The following TMEM248 variants were observed in gnomAD, a reference collection of about 807,000 sequenced individuals.
The protein encoded by TMEM248 is UPF0458 protein C7orf42.
In TMEM248, 9 loss-of-function variants were observed where a neutral mutation model predicts 30.3. The ratio of observed to expected loss-of-function variants is 0.30; its 90% confidence interval spans 0.18 to 0.52. The LOEUF (loss-of-function observed/expected upper bound fraction) is 0.52, where lower values mean the gene tolerates loss of function less well. Among genes scored for constraint, TMEM248 ranks in the 20% least tolerant of loss-of-function variants. TMEM248 has a pLI of 0.97. For synonymous variants in TMEM248, 184 were observed against 154.4 expected (o/e 1.19, Z -1.42); for missense variants, 338 against 403.3 (o/e 0.84, Z 1.39).
intron 4 of TMEM248, among the ~76,000 whole-genome samples, chr7:66,950,026 G>T (rs972871355): frequency 5.3e-5 from 8 of 152,230 alleles, no homozygotes; most frequent in African/African-American, 1.9e-4. Context: ...TGCAGTGACT[G>T]ATATAGAATT....
chr7:66,926,819 A>G (rs1392659613), intron 1 of TMEM248, among the ~76,000 whole-genome samples: 1 of 152,180 alleles, frequency 6.6e-6, no homozygotes, highest in African/African-American at 2.4e-5. Context: ...TACATTTGAC[A>G]AGAGGTCTGT....
rs113072002 is a variant in TMEM248 at position 66,954,754 on chromosome 7, G to A, written c.925-748G>A. Among the ~76,000 whole-genome samples the A allele has an allele frequency of 6.6e-5, 10 of 152,186 alleles. 1 individual carries two copies. The highest frequency in any genetic ancestry group is 1.2e-4 in the African/African-American group (5 of 41,532). On this transcript the variant is annotated intron_variant, in intron 6 of 6. Coordinates refer to ENST00000341567, the MANE Select transcript of TMEM248 (RefSeq NM_017994.5). ...GGATATGAAACCCACAATTACAGAA[G>A]GCCAGCGGTAGTTTCTGTCTTCATT...
chr7:66,951,160 G>A, intron 5 of TMEM248, 25 bp downstream of exon 5: 1 of 1,550,860 alleles, frequency 6.4e-7, no homozygotes, highest in Non-Finnish European at 8.7e-7. Context: ...TTGTGTGTGT[G>A]TGTGTGCGTG....
chr7:66,951,756 C>T (rs1391501918), intron 5 of TMEM248, among the ~76,000 whole-genome samples: 1 of 152,028 alleles, frequency 6.6e-6, no homozygotes, highest in East Asian at 1.9e-4. Context: ...TAGCTCACTG[C>T]AGCTTCAGCC....
chr7:66,933,075 G>A (rs1292117270), intron 1 of TMEM248, among the ~76,000 whole-genome samples: 1 of 152,078 alleles, frequency 6.6e-6, no homozygotes, highest in Non-Finnish European at 1.5e-5. Flanking sequence ...GCCCTGGCTG[G>A]TCTCGAACTC....
chr7:66,946,687 C>T (rs1792117663), intron 3 of TMEM248, among the ~76,000 whole-genome samples: 1 of 152,072 alleles, frequency 6.6e-6, no homozygotes, highest in South Asian at 2.1e-4. Flanking sequence ...TACAATAGTT[C>T]CTGCCACAAA....
At chr7:66,944,026 C>T (rs1349907893) in intron 2 of TMEM248, among the ~76,000 whole-genome samples, 1 of 151,632 alleles carries the variant, frequency 6.6e-6, no homozygotes, top group African/African-American at 2.4e-5. Context: ...AACTCCTGGC[C>T]TCAAGTGATC....
At chr7:66,921,563 C>T (rs1235034750) in intron 1 of TMEM248, 102 bp downstream of exon 1, 2 of 152,200 alleles carry the variant, frequency 1.3e-5, no homozygotes, top group African/African-American at 4.8e-5. Flanking sequence ...CCTCCGCCGG[C>T]TTTTTTCACC....
intron 4 of TMEM248, among the ~76,000 whole-genome samples, chr7:66,950,614 G>C (rs540879881): frequency 6.6e-6 from 1 of 152,278 alleles, no homozygotes; most frequent in South Asian, 2.1e-4. Context: ...TATACTAAGA[G>C]TTTAGCTCAT....
intron 1 of TMEM248, among the ~76,000 whole-genome samples, chr7:66,927,134 C>T (rs1791545606): frequency 6.6e-6 from 1 of 152,130 alleles, no homozygotes; most frequent in African/African-American, 2.4e-5. Context: ...ATTTAAAAAA[C>T]TAAAGAACAA....
intron 1 of TMEM248, among the ~76,000 whole-genome samples, chr7:66,923,713 C>T (rs1394910524): frequency 6.6e-6 from 1 of 152,170 alleles, no homozygotes; most frequent in African/African-American, 2.4e-5. Context: ...TGGAGTCTTG[C>T]TCTGTTGCCC....
intron 1 of TMEM248, among the ~76,000 whole-genome samples, chr7:66,923,199 G>A (rs1450229035): frequency 1.3e-5 from 2 of 151,788 alleles, no homozygotes; most frequent in Non-Finnish European, 2.9e-5. Flanking sequence ...AGGCTGGAGT[G>A]CAGTGGCGCG....
At chr7:66,925,099 C>A (rs1791489323) in intron 1 of TMEM248, among the ~76,000 whole-genome samples, 1 of 152,022 alleles carries the variant, frequency 6.6e-6, no homozygotes, top group South Asian at 2.1e-4. Flanking sequence ...TGGCTCACTG[C>A]ACCCTCCTCC....
intron 1 of TMEM248, among the ~76,000 whole-genome samples, chr7:66,940,068 C>T (rs1313375755): frequency 6.6e-6 from 1 of 152,092 alleles, no homozygotes; most frequent in Non-Finnish European, 1.5e-5. Context: ...ATTCTCCTGC[C>T]TCAGCCTCCC....
intron 4 of TMEM248, among the ~76,000 whole-genome samples, chr7:66,950,085 G>A (rs1413606088): frequency 2.0e-5 from 3 of 152,070 alleles, no homozygotes; most frequent in Non-Finnish European, 4.4e-5. Flanking sequence ...TTTGGGCTGG[G>A]CGCAATGGCT....
chr7:66,946,098 A>G (rs1177731864), intron 3 of TMEM248, among the ~76,000 whole-genome samples: 3 of 151,310 alleles, frequency 2.0e-5, no homozygotes, highest in Non-Finnish European at 2.9e-5. Context: ...AAAAAAAAAA[A>G]AAGAAGTCAG....
At position 66,948,503 on chromosome 7, in the gene TMEM248, G is replaced by A. The variant is rs181500607; in HGVS notation, c.446-41G>A. 9.5e-5 allele frequency: 152 copies of A among 1,592,212 alleles called. No individual in the cohort carries two copies. In the East Asian group the frequency reaches 1.0e-3, roughly 10 times the overall value. On this transcript the variant is annotated intron_variant, in intron 3 of 6. Coordinates refer to ENST00000341567, the MANE Select transcript of TMEM248 (RefSeq NM_017994.5). ...TTGTATCCCAGAGAATGACAAGTAC[G>A]TGGTTCTTGACTTTATAAAAAAATG...
At chr7:66,953,186 A>C in intron 5 of TMEM248, 40 bp from the exon 6 acceptor site, 1 of 1,607,400 alleles carries the variant, frequency 6.2e-7, no homozygotes, top group South Asian at 1.1e-5. Context: ...TCAGTCACTC[A>C]GAGCAGATGT....
chr7:66,956,846 A>G lies in TMEM248; in HGVS notation c.*1324A>G, dbSNP rs1792417417. 6.6e-6 allele frequency: 1 copy of G among 151,710 alleles called. No homozygotes were observed. Among genetic ancestry groups the G allele is most frequent in the Admixed American group, 6.6e-5 (1 of 15,190 alleles). 9.4% of individuals were successfully genotyped at this position (151,710 alleles called of 1,614,324 possible). A position where few individuals can be genotyped will look rare whatever the true frequency, so the allele number is the denominator to read the frequency against. On this transcript the variant is annotated 3_prime_UTR_variant, in exon 7 of 7. Transcript: ENST00000341567. ...GTGCCAGCGCGCCTGGCTAATTTTA[A>G]AATTTTTTTGTAGAGACAGAGTCTC...
Sources: allele counts gnomAD v4.1 joint callset (sites outside exome capture counted in the v4.1 genomes callset), GRCh38; gene constraint gnomAD v4.1.1; transcripts MANE v1.5; gene names NCBI Gene and HGNC (gene_info 2026-07-23, HGNC 2026-07-21).